Variants in CNTN5 observed in about 807,000 individuals in gnomAD.
CNTN5 encodes the protein contactin-5.
A neutral mutation model predicts 129.1 loss-of-function variants in CNTN5; 77 were observed. The observed-to-expected ratio is 0.60, with a 90% CI of 0.50 to 0.72. CNTN5 has a LOEUF of 0.72. Ranked by LOEUF, CNTN5 falls within the 30% of genes least tolerant of loss-of-function variation. The pLI, the probability that CNTN5 is intolerant of heterozygous loss-of-function variation, is 0.00. For missense variants in CNTN5, 1,478 were observed against 1,328.8 expected, an observed-to-expected ratio of 1.11 and a Z score of -1.75; for synonymous variants, 509 against 465.6, an observed-to-expected ratio of 1.09 and a Z score of -1.20.
intron 2 of CNTN5, among the ~76,000 whole-genome samples, chr11:99,543,853 G>A (rs1373294138): frequency 1.5e-5 from 2 of 136,646 alleles, no homozygotes; most frequent in East Asian, 2.4e-4. Context: ...CTCAGGAATC[G>A]GAGGTTGCAG....
At position 99,583,537 on chromosome 11, in the gene CNTN5, C is replaced by T. The variant is rs376583321; in HGVS notation, c.55+27268C>T. The stretch of plus-strand genomic sequence containing the variant: ...GCCTGAGCAATGGTGGGTGCCCCTC[C>T]CCCAGCCTCGCTGCCTCCTTGCAGT... On this transcript the variant is annotated intron_variant, in intron 3 of 24. Coordinates refer to ENST00000524871, the MANE Select transcript of CNTN5 (RefSeq NM_014361.4). Among the ~76,000 whole-genome samples, 52 of 152,324 alleles carry T rather than the reference C, an allele frequency of 3.4e-4. No individual in the cohort carries two copies. In the East Asian group the frequency reaches 6.0e-3, roughly 18 times the overall value.
At chr11:99,795,681 G>C (rs1416517304) in intron 3 of CNTN5, among the ~76,000 whole-genome samples, 2 of 150,134 alleles carry the variant, frequency 1.3e-5, no homozygotes, top group Admixed American at 6.7e-5. Flanking sequence ...ATCTTCTTTG[G>C]TGTCTTTGGG....
chr11:100,232,899 T>G (rs1949522108), intron 16 of CNTN5, among the ~76,000 whole-genome samples: 1 of 152,224 alleles, frequency 6.6e-6, no homozygotes, highest in South Asian at 2.1e-4. Context: ...GGCACTGCAC[T>G]AAAGGCTCCA....
At chr11:99,113,945 C>T (rs1033354715) in intron 1 of CNTN5, among the ~76,000 whole-genome samples, 6 of 152,110 alleles carry the variant, frequency 3.9e-5, no homozygotes, top group African/African-American at 1.4e-4. Flanking sequence ...CCTGAGACTC[C>T]TAATGAATCC....
chr11:100,090,081 A>G (rs1944699025), intron 13 of CNTN5, among the ~76,000 whole-genome samples: 1 of 152,134 alleles, frequency 6.6e-6, no homozygotes, highest in Non-Finnish European at 1.5e-5. Context: ...TTCACCACAA[A>G]AACAGAATTA....
rs557245071 is a variant in CNTN5 at position 100,091,346 on chromosome 11, C to T, written c.1580+17052C>T. 1.0e-3 allele frequency among the ~76,000 whole-genome samples: 152 copies of T among 151,700 alleles called. 1 individual carries two copies. Among genetic ancestry groups the T allele is most frequent in the Non-Finnish European group, 1.2e-3 (83 of 67,948 alleles). On this transcript the variant is annotated intron_variant, in intron 13 of 24. Transcript: ENST00000524871. ...TATTACCCCTATCCTTGTTACTTCT[C>T]TCACACATCTCATCTGGTGTTCTTC...
At chr11:100,250,283 T>A (rs1244174268) in intron 16 of CNTN5, among the ~76,000 whole-genome samples, 3 of 152,124 alleles carry the variant, frequency 2.0e-5, no homozygotes, top group Non-Finnish European at 2.9e-5. Context: ...CCGTCTAATA[T>A]AATTATATTT....
intron 21 of CNTN5, among the ~76,000 whole-genome samples, chr11:100,317,869 C>T (rs1277911744): frequency 3.9e-5 from 6 of 151,990 alleles, no homozygotes; most frequent in African/African-American, 7.3e-5. Context: ...TTTTAAGACT[C>T]TTAGGATATT....
chr11:100,171,303 C>T (rs1947818552), intron 13 of CNTN5, among the ~76,000 whole-genome samples: 1 of 151,950 alleles, frequency 6.6e-6, no homozygotes, highest in Non-Finnish European at 1.5e-5. Flanking sequence ...TCTCTGTGAC[C>T]TTAGTGGTTT....
At chr11:99,844,804 T>C (rs1947629108) in intron 4 of CNTN5, 48 bp from the exon 5 acceptor site, 2 of 1,553,506 alleles carry the variant, frequency 1.3e-6, no homozygotes, top group Admixed American at 1.9e-5. Flanking sequence ...ACACAAAATA[T>C]CTTGCTAGTT....
intron 3 of CNTN5, among the ~76,000 whole-genome samples, chr11:99,794,271 T>C (rs1945857194): frequency 1.3e-5 from 2 of 152,030 alleles, no homozygotes; most frequent in South Asian, 4.1e-4. Context: ...TTTTCCATTT[T>C]CTTGGTAGAT....
chr11:99,518,054 A>T (rs1197498712), intron 2 of CNTN5, among the ~76,000 whole-genome samples: 1 of 152,120 alleles, frequency 6.6e-6, no homozygotes, highest in Admixed American at 6.6e-5. Context: ...GTATCCAAAC[A>T]GTTATCAGTC....
At chr11:100,050,835 A>G (rs1942917867) in intron 9 of CNTN5, among the ~76,000 whole-genome samples, 1 of 152,106 alleles carries the variant, frequency 6.6e-6, no homozygotes, top group South Asian at 2.1e-4. Flanking sequence ...AGTGTTGCCT[A>G]AGATAAGGAT....
rs368887737 is a variant in CNTN5, at chr11:100,019,833, C to T, written c.980+17697C>T. ...ATTTATAAGGGTTCCGTTTTCTCCA[C>T]GTCCTCGCCAATACTTGTTATCTTT... On this transcript the variant is annotated intron_variant, in intron 9 of 24. Coordinates refer to ENST00000524871, the MANE Select transcript of CNTN5 (RefSeq NM_014361.4). Among the ~76,000 whole-genome samples the T allele has an allele frequency of 1.5e-3, 226 of 152,074 alleles. 1 individual carries two copies. The highest frequency in any genetic ancestry group is 5.2e-3 in the African/African-American group (214 of 41,532).
At chr11:99,845,578 C>T (rs922187983) in intron 6 of CNTN5, among the ~76,000 whole-genome samples, 2 of 151,686 alleles carry the variant, frequency 1.3e-5, no homozygotes, top group Non-Finnish European at 2.9e-5. Context: ...TTCACCGTTT[C>T]AGCCGGGATG....
intron 1 of CNTN5, among the ~76,000 whole-genome samples, chr11:99,066,965 A>C (rs746434271): frequency 2.0e-5 from 3 of 152,096 alleles, no homozygotes; most frequent in Non-Finnish European, 2.9e-5. Flanking sequence ...ATCCAAAATC[A>C]CTTACTTCCC....
In CNTN5 at chr11:100,072,566, T is replaced by C. The variant is rs374305064; in HGVS notation, c.1429+732T>C. Among the ~76,000 whole-genome samples, 196 of 152,308 alleles carry C rather than the reference T, an allele frequency of 1.3e-3. 1 individual carries two copies. Among genetic ancestry groups the C allele is most frequent in the African/African-American group, 4.5e-3 (186 of 41,562 alleles). Reference sequence around the variant, plus strand: ...TAATGTAAAGAAAGATACTCACTCATTGTCTTTCCAAAGCGGGCAGAAGCC... The same window carrying C: ...TAATGTAAAGAAAGATACTCACTCACTGTCTTTCCAAAGCGGGCAGAAGCC... On this transcript the variant is annotated intron_variant, in intron 12 of 24. Transcript: ENST00000524871.
chr11:99,554,254 C>A (rs536171340), intron 2 of CNTN5, among the ~76,000 whole-genome samples: 1 of 152,216 alleles, frequency 6.6e-6, no homozygotes, highest in South Asian at 2.1e-4. Context: ...GTATGTATCA[C>A]TGTTTGACAC....
intron 1 of CNTN5, among the ~76,000 whole-genome samples, chr11:99,295,013 G>A (rs941969147): frequency 3.9e-5 from 6 of 152,064 alleles, no homozygotes; most frequent in East Asian, 1.9e-4. Context: ...CATAGTTTAC[G>A]GTGTCCTCAT....
Sources: allele counts gnomAD v4.1 joint callset (sites outside exome capture counted in the v4.1 genomes callset), GRCh38; gene constraint gnomAD v4.1.1; transcripts MANE v1.5; gene names NCBI Gene and HGNC (gene_info 2026-07-23, HGNC 2026-07-21).